CDH23: variants seen among roughly 807,000 people sequenced by gnomAD.
The protein encoded by CDH23 is cadherin-23.
A neutral mutation model predicts 317.1 loss-of-function variants in CDH23; 189 were observed. The ratio of observed to expected loss-of-function variants is 0.60; its 90% CI spans 0.53 to 0.67. CDH23 has a LOEUF of 0.67. Among genes scored for constraint, CDH23 ranks in the 30% least tolerant of loss-of-function variants. CDH23 has a pLI of 0.00. For synonymous variants in CDH23, 1,839 were observed against 1,876.8 expected (o/e 0.98, Z 0.52); for missense variants, 4,401 against 4,592.4 (o/e 0.96, Z 1.20).
chr10:71,737,833 A>G (rs1839610924), intron 34 of CDH23: 1 of 465,606 alleles, frequency 2.1e-6, no homozygotes, highest in Admixed American at 2.3e-5. Flanking sequence ...AGCCACAGAC[A>G]CAAAACAATA....
intron 2 of CDH23, among the ~76,000 whole-genome samples, chr10:71,443,343 C>T (rs10823753): frequency 0.34 from 51,928 of 152,042 alleles, 9,091 homozygotes; most frequent in Middle Eastern, 0.47. Flanking sequence ...ACAAGCACAC[C>T]GACGTCCCTT....
chr10:71,737,562 C>G (rs1030207051), intron 34 of CDH23, among the ~76,000 whole-genome samples: 2 of 152,228 alleles, frequency 1.3e-5, no homozygotes, highest in Admixed American at 1.3e-4. Flanking sequence ...CCCATGAGTC[C>G]TGTGCAGAGT....
At chr10:71,700,693 C>T (rs1865547959) in intron 22 of CDH23, among the ~76,000 whole-genome samples, 1 of 152,184 alleles carries the variant, frequency 6.6e-6, no homozygotes, top group Non-Finnish European at 1.5e-5. Context: ...CGAGCAGTCC[C>T]TGGTGGGAGT....
At chr10:71,461,800 T>C (rs1400111719) in intron 3 of CDH23, among the ~76,000 whole-genome samples, 1 of 152,218 alleles carries the variant, frequency 6.6e-6, no homozygotes, top group Non-Finnish European at 1.5e-5. Context: ...GAGCGTTCAT[T>C]ACACATCAGC....
chr10:71,776,867 C>T (rs1041038971), intron 38 of CDH23, among the ~76,000 whole-genome samples: 1 of 152,238 alleles, frequency 6.6e-6, no homozygotes, highest in Non-Finnish European at 1.5e-5. Flanking sequence ...AGCTGGATAG[C>T]AAGGGAGCCA....
At chr10:71,762,056 T>C in intron 38 of CDH23, 1 of 1,563,178 alleles carries the variant, frequency 6.4e-7, no homozygotes, top group Non-Finnish European at 8.7e-7. Context: ...CCCTGTCACC[T>C]GACTGATCCA....
chr10:71,482,532 G>A (rs1205070750), intron 3 of CDH23, among the ~76,000 whole-genome samples: 3 of 152,190 alleles, frequency 2.0e-5, no homozygotes, highest in South Asian at 2.1e-4. Flanking sequence ...GGGGGGACAG[G>A]CCCCATAGGA....
chr10:71,808,073 C>G (rs1180789188), intron 60 of CDH23, 66 bp downstream of exon 60: 6 of 1,539,946 alleles, frequency 3.9e-6, no homozygotes, highest in African/African-American at 2.7e-5. Context: ...GGACTGTCAT[C>G]TGGGGGGAGA....
intron 13 of CDH23, 66 bp downstream of exon 13, chr10:71,646,046 G>C (rs1024456111): frequency 5.6e-5 from 87 of 1,563,456 alleles, no homozygotes; most frequent in Non-Finnish European, 7.3e-5. Context: ...GGCGAGGGTA[G>C]GGTAGAAGAT....
intron 28 of CDH23, chr10:71,716,464 A>G (rs1218800265): frequency 1.4e-6 from 1 of 730,992 alleles, no homozygotes; most frequent in South Asian, 2.0e-5. Context: ...GGACAGCATC[A>G]TGGCCACATC....
intron 42 of CDH23, among the ~76,000 whole-genome samples, 194 bp from the exon 43 acceptor site, chr10:71,784,697 T>C (rs1261647189): frequency 6.6e-6 from 1 of 152,158 alleles, no homozygotes; most frequent in Non-Finnish European, 1.5e-5. Context: ...GCTTCCCTCA[T>C]CATCCTCTTT....
intron 6 of CDH23, among the ~76,000 whole-genome samples, chr10:71,529,703 A>G (rs547209157): frequency 6.6e-6 from 1 of 152,166 alleles, no homozygotes; most frequent in African/African-American, 2.4e-5. Context: ...TATCACACTC[A>G]TACTTTAAGA....
At chr10:71,811,668 C>G in intron 64 of CDH23, 45 bp from the exon 65 acceptor site, 1 of 1,613,676 alleles carries the variant, frequency 6.2e-7, no homozygotes, top group Non-Finnish European at 8.5e-7. Flanking sequence ...GGGCCTGAGA[C>G]GTCAGCTTGG....
intron 8 of CDH23, among the ~76,000 whole-genome samples, chr10:71,573,323 T>G (rs1857947270): frequency 6.6e-6 from 1 of 152,200 alleles, no homozygotes; most frequent in South Asian, 2.1e-4. Context: ...TAGTATCTTT[T>G]TAGTATATCG....
intron 22 of CDH23, among the ~76,000 whole-genome samples, chr10:71,700,376 G>C (rs2132727101): frequency 6.6e-6 from 1 of 152,292 alleles, no homozygotes; most frequent in African/African-American, 2.4e-5. Context: ...GATGGAGCAA[G>C]ACTTCGTCTC....
chr10:71,761,722 G>C (rs1840391239), intron 38 of CDH23: 1 of 1,614,038 alleles, frequency 6.2e-7, no homozygotes, highest in African/African-American at 1.3e-5. Context: ...TGGTGATGGA[G>C]AAGTTGCCAT....
At chr10:71,566,608 C>T in intron 6 of CDH23, 134 bp from the exon 7 acceptor site, 1 of 743,000 alleles carries the variant, frequency 1.3e-6, no homozygotes, top group Non-Finnish European at 2.0e-6. Context: ...GGGGCCCCTC[C>T]TAGAATGAAA....
rs1841974830 is a variant in CDH23, at chr10:71,812,562, A to T, written c.9463A>T (p.Asn3155Tyr). 1 of 1,613,856 alleles carries T rather than the reference A, an allele frequency of 6.2e-7. No individual in the cohort carries two copies. The highest frequency in any genetic ancestry group is 2.2e-5 in the East Asian group (1 of 44,876). The stretch of plus-strand genomic sequence containing the variant: ...GGAGCATGAGGATGACCTACCGGAG[A>T]ACCTGAGTGAGATCGCCGACCTGTG... ...QAEHEDDLPE[N>Y]LSEIADLWNS... Residue 3155 changes from asparagine (N) to tyrosine (Y), a missense_variant, in exon 67 of 70, where the codon AAC (asparagine) becomes TAC (tyrosine). By Grantham distance (143) the Asn-to-Tyr change is moderately radical. This residue lies in a region of CDH23 where 1,144 missense variants were observed against 1,138.2 expected (regional missense o/e 1.01). Coordinates refer to ENST00000224721, the MANE Select transcript of CDH23 (RefSeq NM_022124.6).
intron 69 of CDH23, among the ~76,000 whole-genome samples, chr10:71,814,234 G>A (rs928527874): frequency 3.9e-5 from 6 of 152,232 alleles, no homozygotes; most frequent in African/African-American, 1.4e-4. Flanking sequence ...TGTTTATAGA[G>A]CACCAAAGTT....
Sources: allele counts gnomAD v4.1 joint callset (sites outside exome capture counted in the v4.1 genomes callset), GRCh38; gene constraint gnomAD v4.1.1; regional missense constraint gnomAD v4.1.1; transcripts MANE v1.5; gene names NCBI Gene and HGNC (gene_info 2026-07-23, HGNC 2026-07-21).